PLD3: variants seen among roughly 807,000 people sequenced by gnomAD.
PLD3 encodes phospholipase D family member 3.
Under a neutral mutation model 58.4 loss-of-function variants are expected in PLD3, and 31 were observed. The observed-to-expected ratio is 0.53, with a 90% CI of 0.40 to 0.72. The LOEUF is 0.72. PLD3 is among the 30% of genes least tolerant of loss of function. The pLI, the probability that PLD3 is intolerant of heterozygous loss-of-function variation, is 0.00. For synonymous variants in PLD3, 264 were observed against 273.4 expected, an observed-to-expected ratio of 0.97 and a Z score of 0.34; for missense variants, 595 against 659.8, an observed-to-expected ratio of 0.90 and a Z score of 1.08.
intron 5 of PLD3, 123 bp from the exon 6 acceptor site, chr19:40,367,573 C>CTCTG (rs2078958214): frequency 2.5e-6 from 2 of 797,038 alleles, no homozygotes. Context: ...CAGGGCAAGA[C>CTCTG]TCTGTCTCTA....
chr19:40,358,823 G>C (rs1456914902), intron 1 of PLD3: 1 of 152,258 alleles, frequency 6.6e-6, no homozygotes, highest in Non-Finnish European at 1.5e-5. Flanking sequence ...TTAAAGGGCT[G>C]CTGTAGAGGA....
intron 1 of PLD3, among the ~76,000 whole-genome samples, chr19:40,350,035 C>T (rs1164784989): frequency 6.0e-5 from 9 of 149,858 alleles, no homozygotes; most frequent in South Asian, 2.1e-4. Flanking sequence ...CCGAGGCGGG[C>T]GGATCACCTC....
intron 6 of PLD3, 180 bp from the exon 7 acceptor site, chr19:40,369,728 A>T: frequency 1.7e-6 from 1 of 579,058 alleles, no homozygotes; most frequent in Non-Finnish European, 2.9e-6. Flanking sequence ...GCAGATAAAG[A>T]TGTTTAAAAC....
chr19:40,376,567 GC>G (rs1568684029), intron 10 of PLD3, 41 bp from the exon 11 acceptor site: 1 of 1,581,940 alleles, frequency 6.3e-7, no homozygotes, highest in Non-Finnish European at 8.6e-7. Flanking sequence ...GGACACAGCC[GC>G]CCTCTGCATC....
intron 6 of PLD3, among the ~76,000 whole-genome samples, chr19:40,369,108 T>C (rs1600313217): frequency 6.6e-6 from 1 of 151,980 alleles, no homozygotes; most frequent in South Asian, 2.1e-4. Context: ...CTGGGCAACA[T>C]AGTGAAACCC....
intron 1 of PLD3, among the ~76,000 whole-genome samples, chr19:40,355,486 T>C (rs1423364944): frequency 6.6e-6 from 1 of 151,572 alleles, no homozygotes; most frequent in Non-Finnish European, 1.5e-5. Context: ...GCTGATTTTG[T>C]ATTTTTAGTA....
Position 40,366,680 on chromosome 19 carries a change from A to T in PLD3, c.98A>T (p.Glu33Val). Reference protein sequence around the residue: ...MNEIEAWKAAEKKARWVLLVL... With the variant: ...MNEIEAWKAAVKKARWVLLVL... ...GAGATTGAGGCGTGGAAGGCTGCGG[A>T]AAAGGTAGGAGCCCTCCGCCACCCT... The change falls in exon 4 of 13, where the codon GAA becomes GTA. Residue 33 changes from glutamate to valine, a missense_variant. By Grantham distance (121) the Glu-to-Val change is moderately radical. Coordinates refer to ENST00000409735, the MANE Select transcript of PLD3 (RefSeq NM_012268.4). 6.2e-7 allele frequency: 1 copy of T among 1,605,864 alleles called. No homozygotes were observed. The highest frequency in any genetic ancestry group is 1.3e-5 in the African/African-American group (1 of 74,794).
intron 8 of PLD3, among the ~76,000 whole-genome samples, chr19:40,371,156 A>G (rs144006133): frequency 6.6e-6 from 1 of 152,236 alleles, no homozygotes; most frequent in Non-Finnish European, 1.5e-5. Flanking sequence ...ATAAGACAGG[A>G]CAATAACTCA....
At chr19:40,357,508 C>T (rs1160263098) in intron 1 of PLD3, 1 of 152,160 alleles carries the variant, frequency 6.6e-6, no homozygotes, top group Non-Finnish European at 1.5e-5. Context: ...ACTTTTTCCC[C>T]ACCCTCTCAG....
At chr19:40,354,069 C>CTTTT (rs36125021) in intron 1 of PLD3, among the ~76,000 whole-genome samples, 4 of 78,254 alleles carry the variant, frequency 5.1e-5, no homozygotes, top group Non-Finnish European at 6.9e-5. Flanking sequence ...ATTTTTTAGC[C>CTTTT]TTTTTTTTTT....
chr19:40,358,087 C>T (rs1193647017), intron 1 of PLD3: 1 of 152,260 alleles, frequency 6.6e-6, no homozygotes, highest in East Asian at 1.9e-4. Flanking sequence ...AGATGATACC[C>T]ATTTCATTTG....
chr19:40,371,075 T>C (rs570779868), intron 8 of PLD3, among the ~76,000 whole-genome samples: 1 of 152,216 alleles, frequency 6.6e-6, no homozygotes, highest in African/African-American at 2.4e-5. Context: ...GTATAACTAA[T>C]CTGATCCCTG....
chr19:40,374,785 G>A, intron 10 of PLD3, 165 bp downstream of exon 10: 1 of 673,448 alleles, frequency 1.5e-6, no homozygotes, highest in East Asian at 2.7e-5. Context: ...AGGTATCTAG[G>A]CACTTGAGAC....
At chr19:40,360,549 C>T (rs553011036) in intron 1 of PLD3, 6 of 149,300 alleles carry the variant, frequency 4.0e-5, no homozygotes, top group African/African-American at 1.5e-4. Flanking sequence ...CCACTGCACT[C>T]CAGCCTGGAT....
At chr19:40,373,991 C>CAAAA (rs750537190) in intron 9 of PLD3, among the ~76,000 whole-genome samples, 1 of 43,564 alleles carries the variant, frequency 2.3e-5, no homozygotes, top group Non-Finnish European at 4.7e-5. Flanking sequence ...GACTCCATCT[C>CAAAA]AAAAAAAAAA....
At position 40,378,417 on chromosome 19, in the gene PLD3, CT is replaced by C; in HGVS notation, c.*245del. 1 of 608,764 alleles carries C rather than the reference CT, an allele frequency of 1.6e-6. No homozygotes were observed. Among genetic ancestry groups the C allele is most frequent in the South Asian group, 1.8e-5 (1 of 55,464 alleles). 37.7% of individuals were successfully genotyped at this position (608,764 alleles called of 1,614,324 possible). On this transcript the variant is annotated 3_prime_UTR_variant, in exon 13 of 13. Coordinates refer to ENST00000409735, the MANE Select transcript of PLD3 (RefSeq NM_012268.4). ...GGGGGTGCATGCTGGGCCTGGCCCC[CT>C]GGCCCACCCCCACTTTCCAGGGCAA... is the stretch of plus-strand genomic sequence containing the variant.
chr19:40,376,659 G>C lies in PLD3; in HGVS notation c.1070G>C (p.Gly357Ala). Residue 357 changes from glycine (G) to alanine (A), a missense_variant, in exon 11 of 13, where the codon GGC (glycine) becomes GCC (alanine). By Grantham distance (60) the Gly-to-Ala change is moderately conservative. Coordinates refer to ENST00000409735, the MANE Select transcript of PLD3 (RefSeq NM_012268.4). ...DGLRRATYER[G>A]VKVRLLISCW... is the part of the protein sequence containing the mutation. ...CTGCGGCGGGCCACCTACGAGCGTG[G>C]CGTCAAGGTGCGCCTGCTCATCAGC... The C allele has an allele frequency of 6.2e-7, 1 of 1,607,158 alleles. No homozygotes were observed. The highest frequency in any genetic ancestry group is 8.5e-7 in the Non-Finnish European group (1 of 1,179,992).
At chr19:40,364,588 G>A (rs981721195) in intron 1 of PLD3, among the ~76,000 whole-genome samples, 1 of 151,822 alleles carries the variant, frequency 6.6e-6, no homozygotes, top group Admixed American at 6.6e-5. Flanking sequence ...TCAGGAGATC[G>A]AGACCATCCT....
intron 1 of PLD3, among the ~76,000 whole-genome samples, chr19:40,361,076 G>A (rs1328396869): frequency 1.3e-5 from 2 of 152,062 alleles, no homozygotes; most frequent in Non-Finnish European, 2.9e-5. Flanking sequence ...GAGGCCAGGA[G>A]TTCAAGAGTA....
Sources: allele counts gnomAD v4.1 joint callset (sites outside exome capture counted in the v4.1 genomes callset), GRCh38; gene constraint gnomAD v4.1.1; transcripts MANE v1.5; gene names NCBI Gene and HGNC (gene_info 2026-07-23, HGNC 2026-07-21).